POGLUT3: variants seen among roughly 807,000 people sequenced by gnomAD.
The protein encoded by POGLUT3 is KDEL (Lys-Asp-Glu-Leu) containing 2.
A neutral mutation model predicts 54.3 loss-of-function variants in POGLUT3; 48 were observed. The ratio of observed to expected loss-of-function variants is 0.88; its 90% confidence interval spans 0.70 to 1.12. POGLUT3 has a LOEUF of 1.12. Among genes scored for constraint, POGLUT3 ranks in the 50% most tolerant of loss-of-function variants. The probability of loss-of-function intolerance (pLI) is 0.00; values close to 1 mark genes in which losing one functional copy is unlikely to be tolerated. For synonymous variants in POGLUT3, 218 were observed against 237.4 expected, an observed-to-expected ratio of 0.92 and a Z score of 0.75; for missense variants, 629 against 618.7, an observed-to-expected ratio of 1.02 and a Z score of -0.18.
At chr11:108,490,607 G>C (rs2093611323) in intron 2 of POGLUT3, among the ~76,000 whole-genome samples, 1 of 151,904 alleles carries the variant, frequency 6.6e-6, no homozygotes, top group Admixed American at 6.6e-5. Flanking sequence ...GCAAAATAAA[G>C]TTTTTTCAGA....
chr11:108,481,505 G>T, intron 4 of POGLUT3, 129 bp from the exon 5 acceptor site: 2 of 698,140 alleles, frequency 2.9e-6, no homozygotes, highest in Non-Finnish European at 4.3e-6. Context: ...ATCTTCTAAA[G>T]TAGATGTTAT....
At chr11:108,486,788 C>T in intron 2 of POGLUT3, 1 of 209,968 alleles carries the variant, frequency 4.8e-6, no homozygotes. Flanking sequence ...TTATGTAAAC[C>T]AAAAATAAAA....
At chr11:108,486,039 T>C (rs1017123620) in intron 3 of POGLUT3, 118 bp downstream of exon 3, 20 of 770,394 alleles carry the variant, frequency 2.6e-5, no homozygotes, top group Non-Finnish European at 3.7e-5. Context: ...GTTGCAAATA[T>C]CTTAGATGCC....
intron 2 of POGLUT3, among the ~76,000 whole-genome samples, chr11:108,489,207 A>G (rs1254607093): frequency 6.6e-6 from 1 of 152,218 alleles, no homozygotes; most frequent in Non-Finnish European, 1.5e-5. Context: ...AATTTAAAAA[A>G]TGAAAAGGGT....
intron 3 of POGLUT3, among the ~76,000 whole-genome samples, chr11:108,483,851 T>A (rs1473285807): frequency 1.3e-5 from 2 of 152,066 alleles, no homozygotes; most frequent in South Asian, 2.1e-4. Context: ...GTATTTTTAG[T>A]AGAGATGGGA....
chr11:108,481,042 CCTGATAT>C, intron 5 of POGLUT3, 131 bp downstream of exon 5: 1 of 655,942 alleles, frequency 1.5e-6, no homozygotes. Context: ...TTTTGTAATT[CCTGATAT>C]CTAATAAGAA....
chr11:108,491,197 AC>A, intron 1 of POGLUT3, 30 bp from the exon 2 acceptor site: 2 of 1,517,782 alleles, frequency 1.3e-6, no homozygotes, highest in Non-Finnish European at 1.8e-6. Flanking sequence ...AAACAACTCT[AC>A]CATGTCATGA....
chr11:108,491,020 T>G lies in POGLUT3; in HGVS notation c.350A>C (p.Glu117Ala), dbSNP rs1196911025. Residue 117 changes from glutamate to alanine, a missense_variant, in exon 2 of 8, where the codon GAG becomes GCG. Coordinates refer to ENST00000323468, the MANE Select transcript of POGLUT3 (RefSeq NM_153705.5). ...CACATGTTCATCACCATAAAGGACC[T>G]CTATCTTCAGGCCTTCATCGACAGT... The part of the protein sequence containing the change: ...YETVDEGLKI[E>A]VLYGDEHVAQ... The G allele has an allele frequency of 1.2e-6, 2 of 1,613,904 alleles. No homozygotes were observed. The highest frequency in any genetic ancestry group is 2.7e-5 in the African/African-American group (2 of 74,926).
rs573811184 is a variant in POGLUT3, at chr11:108,492,744, G to C, written c.203-1577C>G. Among the ~76,000 whole-genome samples, 5 of 152,070 alleles carry C rather than the reference G, an allele frequency of 3.3e-5. No homozygotes were observed. In the South Asian group the frequency reaches 8.3e-4, roughly 25 times the overall value. On this transcript the variant is annotated intron_variant, in intron 1 of 7. Coordinates refer to ENST00000323468, the MANE Select transcript of POGLUT3 (RefSeq NM_153705.5). ...CTTGAAACAAGTATGATAAAATTAC[G>C]AAATAAATCTGCTAACCTAAATGAA...
At chr11:108,484,560 AC>A (rs1347358214) in intron 3 of POGLUT3, among the ~76,000 whole-genome samples, 1 of 152,132 alleles carries the variant, frequency 6.6e-6, no homozygotes, top group East Asian at 1.9e-4. Context: ...GGAGTTTGAG[AC>A]CACCCTGACC....
chr11:108,476,714 C>A (rs1392453469), intron 7 of POGLUT3, among the ~76,000 whole-genome samples: 1 of 152,138 alleles, frequency 6.6e-6, no homozygotes, highest in Non-Finnish European at 1.5e-5. Flanking sequence ...GGTAGTTACT[C>A]AAAAGACCAA....
intron 2 of POGLUT3, among the ~76,000 whole-genome samples, chr11:108,489,183 CAA>C (rs1285628431): frequency 2.6e-5 from 4 of 151,658 alleles, no homozygotes; most frequent in African/African-American, 9.7e-5. Flanking sequence ...CGAAATGAAA[CAA>C]AGAGAAAAAA....
At chr11:108,475,466 T>TTG (rs1555182478) in intron 7 of POGLUT3, among the ~76,000 whole-genome samples, 17 of 141,772 alleles carry the variant, frequency 1.2e-4, no homozygotes, top group South Asian at 7.1e-4. Context: ...TTTTTTTGTT[T>TTG]TTGTTTTTTT....
Position 108,488,515 on chromosome 11 carries a change from C to T in POGLUT3, c.401-2075G>A, listed in dbSNP as rs911941864. Among the ~76,000 whole-genome samples, 3 of 152,132 alleles carry T rather than the reference C, an allele frequency of 2.0e-5. No individual in the cohort carries two copies. The South Asian group carries it at 6.2e-4, about 32-fold the overall frequency. On this transcript the variant is annotated intron_variant, in intron 2 of 7. Transcript: ENST00000323468. ...CACTGAGTTGAGGAGACAGAGCTGG[C>T]AGTCCAGGGAGACCAAGGCAGCTCT... is the stretch of plus-strand genomic sequence containing the variant.
chr11:108,493,423 A>T (rs1169659642), intron 1 of POGLUT3, among the ~76,000 whole-genome samples: 1 of 152,250 alleles, frequency 6.6e-6, no homozygotes, highest in Non-Finnish European at 1.5e-5. Context: ...CTCATAAAAG[A>T]GAAAATGAGA....
At chr11:108,494,993 C>G (rs553898405) in intron 1 of POGLUT3, among the ~76,000 whole-genome samples, 107 of 152,244 alleles carry the variant, frequency 7.0e-4, no homozygotes, top group African/African-American at 2.5e-3. Context: ...GACAAAGACC[C>G]TATAATTTCT....
In POGLUT3 at chr11:108,472,230, C is replaced by T. The variant is rs2093570358; in HGVS notation, c.*2597G>A. 1.3e-5 allele frequency: 2 copies of T among 151,988 alleles called. No individual in the cohort carries two copies. The highest frequency in any genetic ancestry group is 2.9e-5 in the Non-Finnish European group (2 of 68,016). 9.4% of individuals were successfully genotyped at this position (151,988 alleles called of 1,614,324 possible). ...AAAATGGAAAAAATATAAATATTTG[C>T]TGTTCCTGTTTATATCTTTTGTGCA... On this transcript the variant is annotated 3_prime_UTR_variant, in exon 8 of 8. Coordinates refer to ENST00000323468, the MANE Select transcript of POGLUT3 (RefSeq NM_153705.5).
Position 108,491,452 on chromosome 11 carries a change from T to C in POGLUT3, c.203-285A>G, listed in dbSNP as rs942637687. 5 of 526,694 alleles carry C rather than the reference T, an allele frequency of 9.5e-6. No individual in the cohort carries two copies. The African/African-American group carries it at 9.5e-5, about 10-fold the overall frequency. The allele number at this position is 526,694 out of a possible 1,614,324, so 32.6% of individuals were successfully genotyped here. A position where few individuals can be genotyped will look rare whatever the true frequency, so the allele number is the denominator to read the frequency against. On this transcript the variant is annotated intron_variant, in intron 1 of 7. Coordinates refer to ENST00000323468, the MANE Select transcript of POGLUT3 (RefSeq NM_153705.5). ...TCATTACAGCTCCAACCTCCTGGGC[T>C]CATGAACCTCCTGCCTCAACCTGCA...
At chr11:108,486,763 A>C (rs985978826) in intron 2 of POGLUT3, 2 of 256,262 alleles carry the variant, frequency 7.8e-6, no homozygotes, top group African/African-American at 2.2e-5. Context: ...AAAAGAACGT[A>C]TTAATTTTTA....
Sources: gnomAD v4.1 joint callset for allele counts (sites outside exome capture counted in the v4.1 genomes callset) on GRCh38, gnomAD v4.1.1 for gene constraint, MANE v1.5 for transcripts, NCBI Gene and HGNC (gene_info 2026-07-23, HGNC 2026-07-21) for gene names.